SPATA17: variants seen among roughly 807,000 people sequenced by gnomAD.
SPATA17 encodes spermatogenesis associated 17, also known as spermatogenesis-associated protein 17.
A neutral mutation model predicts 62.2 loss-of-function variants in SPATA17; 53 were observed. The observed-to-expected ratio is 0.85, with a 90% CI of 0.68 to 1.07. SPATA17 has a LOEUF of 1.07. Ranked by LOEUF, SPATA17 falls within the 50% of genes least tolerant of loss-of-function variation. The pLI is 0.00. For missense variants in SPATA17, 466 were observed against 425.5 expected, an observed-to-expected ratio of 1.10 and a Z score of -0.84; for synonymous variants, 146 against 146.8, an observed-to-expected ratio of 0.99 and a Z score of 0.04.
At chr1:217,719,899 C>T (rs1672085805) in intron 5 of SPATA17, among the ~76,000 whole-genome samples, 2 of 152,134 alleles carry the variant, frequency 1.3e-5, no homozygotes, top group Admixed American at 1.3e-4. Flanking sequence ...AGCTGTTCTG[C>T]AGCTAGTGGT....
At chr1:217,823,244 C>T (rs1674911057) in intron 9 of SPATA17, among the ~76,000 whole-genome samples, 4 of 151,758 alleles carry the variant, frequency 2.6e-5, no homozygotes, top group Admixed American at 6.6e-5. Flanking sequence ...TCCAAACCTA[C>T]AAGAGTACAA....
intron 9 of SPATA17, among the ~76,000 whole-genome samples, chr1:217,833,495 C>T (rs1432468275): frequency 6.6e-6 from 1 of 152,142 alleles, no homozygotes; most frequent in Non-Finnish European, 1.5e-5. Context: ...AAGGCTTGCC[C>T]ACCTATATGG....
At chr1:217,730,357 C>A (rs932012269) in intron 5 of SPATA17, among the ~76,000 whole-genome samples, 1 of 151,738 alleles carries the variant, frequency 6.6e-6, no homozygotes, top group African/African-American at 2.4e-5. Flanking sequence ...CCTGGGATTA[C>A]AGGCACGCAC....
At chr1:217,668,915 A>G in intron 3 of SPATA17, 118 bp from the exon 4 acceptor site, 2 of 875,968 alleles carry the variant, frequency 2.3e-6, no homozygotes, top group Admixed American at 2.4e-5. Context: ...TCATTTTTCT[A>G]AGGCTAGAAC....
chr1:217,783,039 A>G, intron 8 of SPATA17, among the ~76,000 whole-genome samples: 1 of 151,196 alleles, frequency 6.6e-6, no homozygotes, highest in Non-Finnish European at 1.5e-5. Context: ...AATATTATTT[A>G]TATGCTAAGT....
At chr1:217,808,281 T>C (rs757102443) in intron 9 of SPATA17, among the ~76,000 whole-genome samples, 7 of 152,040 alleles carry the variant, frequency 4.6e-5, no homozygotes, top group Non-Finnish European at 8.8e-5. Flanking sequence ...TAACCTTCTT[T>C]AGCTCAGTGA....
At chr1:217,824,699 A>C (rs1674945778) in intron 9 of SPATA17, among the ~76,000 whole-genome samples, 1 of 150,924 alleles carries the variant, frequency 6.6e-6, no homozygotes, top group Non-Finnish European at 1.5e-5. Context: ...TATATATTTT[A>C]TAATGTGTTC....
chr1:217,724,455 G>A lies in SPATA17; in HGVS notation c.396-17520G>A, dbSNP rs570683769. Among the ~76,000 whole-genome samples, 12 of 152,216 alleles carry A rather than the reference G, an allele frequency of 7.9e-5. No homozygotes were observed. The South Asian group carries it at 2.3e-3, about 29-fold the overall frequency. ...ATACAAAAATTAGCCAGGCTTGGTG[G>A]CACATGCCTGTAGTCCCAGCTACTC... On this transcript the variant is annotated intron_variant, in intron 5 of 10. Transcript: ENST00000366933.
chr1:217,743,848 A>G (rs1423132327), intron 6 of SPATA17, among the ~76,000 whole-genome samples: 6 of 151,998 alleles, frequency 3.9e-5, no homozygotes. Flanking sequence ...ACCTCAAGTG[A>G]TCCCCCCGCC....
intron 8 of SPATA17, among the ~76,000 whole-genome samples, chr1:217,784,520 A>T (rs774658835): frequency 1.1e-4 from 16 of 152,168 alleles, no homozygotes; most frequent in Non-Finnish European, 1.8e-4. Context: ...ATTAAACAGC[A>T]GTATAATCTT....
chr1:217,855,595 C>A (rs563050671), intron 9 of SPATA17, among the ~76,000 whole-genome samples: 3 of 152,032 alleles, frequency 2.0e-5, no homozygotes, highest in South Asian at 2.1e-4. Flanking sequence ...CCACTGAATA[C>A]AATGAACTGG....
chr1:217,708,024 C>T (rs1451337731), intron 5 of SPATA17, among the ~76,000 whole-genome samples: 1 of 152,128 alleles, frequency 6.6e-6, no homozygotes, highest in Admixed American at 6.6e-5. Flanking sequence ...AAAGATACAA[C>T]ATACCAAAAT....
At chr1:217,665,895 T>C (rs1397654971) in intron 3 of SPATA17, among the ~76,000 whole-genome samples, 1 of 152,190 alleles carries the variant, frequency 6.6e-6, no homozygotes, top group Non-Finnish European at 1.5e-5. Context: ...AAAGGCCACA[T>C]AGAGCTAACA....
chr1:217,696,358 C>A (rs966963046), intron 5 of SPATA17, among the ~76,000 whole-genome samples: 1 of 152,160 alleles, frequency 6.6e-6, no homozygotes, highest in Admixed American at 6.5e-5. Flanking sequence ...GGCTCGCGCA[C>A]AGTGCGCGCA....
At chr1:217,728,128 T>C (rs1309885810) in intron 5 of SPATA17, among the ~76,000 whole-genome samples, 1 of 152,176 alleles carries the variant, frequency 6.6e-6, no homozygotes, top group African/African-American at 2.4e-5. Context: ...ACTAGAAGTT[T>C]AGTTTTTAAA....
intron 9 of SPATA17, among the ~76,000 whole-genome samples, chr1:217,853,815 C>A (rs1675717067): frequency 6.6e-6 from 1 of 152,158 alleles, no homozygotes; most frequent in Admixed American, 6.5e-5. Flanking sequence ...AGCACTATAA[C>A]TCATGCTTGA....
At chr1:217,807,409 GA>G (rs551317912) in intron 9 of SPATA17, among the ~76,000 whole-genome samples, 6 of 149,868 alleles carry the variant, frequency 4.0e-5, no homozygotes, top group African/African-American at 9.8e-5. Flanking sequence ...ACCCTGAAAT[GA>G]AAAAAAAATC....
chr1:217,779,021 A>G (rs944976863), intron 7 of SPATA17, among the ~76,000 whole-genome samples: 1 of 152,202 alleles, frequency 6.6e-6, no homozygotes, highest in East Asian at 1.9e-4. Flanking sequence ...GAAATAATGT[A>G]TGGATGATGT....
intron 4 of SPATA17, among the ~76,000 whole-genome samples, chr1:217,673,615 A>C (rs1670877097): frequency 6.6e-6 from 1 of 152,112 alleles, no homozygotes; most frequent in Admixed American, 6.5e-5. Context: ...CAGTTGCACA[A>C]GTCATTTCTC....
Sources: gnomAD v4.1 joint callset for allele counts (sites outside exome capture counted in the v4.1 genomes callset) on GRCh38, gnomAD v4.1.1 for gene constraint, MANE v1.5 for transcripts, NCBI Gene and HGNC (gene_info 2026-07-23, HGNC 2026-07-21) for gene names.